The following EIF3H variants were observed in gnomAD, a reference collection of about 807,000 sequenced individuals.
EIF3H encodes the protein eIF-3-gamma.
EIF3H carries 26 observed loss-of-function variants against 44.2 expected under a neutral mutation model. That is an observed-to-expected ratio of 0.59 (90% CI 0.43 to 0.82). The LOEUF (loss-of-function observed/expected upper bound fraction) is 0.82, where lower values mean the gene tolerates loss of function less well. Among genes scored for constraint, EIF3H ranks in the 40% least tolerant of loss-of-function variants. EIF3H has a pLI of 0.00. For synonymous variants in EIF3H, 166 were observed against 151.9 expected, an observed-to-expected ratio of 1.09 and a Z score of -0.68; for missense variants, 359 against 432.8, an observed-to-expected ratio of 0.83 and a Z score of 1.51.
intron 1 of EIF3H, among the ~76,000 whole-genome samples, chr8:116,736,272 T>C (rs1296900148): frequency 6.6e-6 from 1 of 152,200 alleles, no homozygotes; most frequent in African/African-American, 2.4e-5. Flanking sequence ...CAGGAAACTC[T>C]CCAAGTGGGG....
rs145847739 is a variant in EIF3H, at chr8:116,685,060, T to C, written c.290-26080A>G. Among the ~76,000 whole-genome samples, 1,279 of 152,338 alleles carry C rather than the reference T, an allele frequency of 8.4e-3. 14 individuals carry two copies. The highest frequency in any genetic ancestry group is 8.9e-3 in the Non-Finnish European group (602 of 68,016). On this transcript the variant is annotated intron_variant, in intron 2 of 7. Coordinates refer to ENST00000521861, the MANE Select transcript of EIF3H (RefSeq NM_003756.3). Reference sequence around the variant, plus strand: ...GAATCAGAAAAATATTTATAAAATGTAGCTGTAGCACAACTTATTTGATAT... The same window carrying C: ...GAATCAGAAAAATATTTATAAAATGCAGCTGTAGCACAACTTATTTGATAT...
intron 7 of EIF3H, 39 bp from the exon 8 acceptor site, chr8:116,645,142 C>A: frequency 6.7e-7 from 1 of 1,494,814 alleles, no homozygotes. Flanking sequence ...TAATGTTCCA[C>A]AAATTGTAAA....
At chr8:116,750,569 C>T (rs951613125) in intron 1 of EIF3H, among the ~76,000 whole-genome samples, 1 of 152,028 alleles carries the variant, frequency 6.6e-6, no homozygotes, top group Non-Finnish European at 1.5e-5. Context: ...GCCACCACGC[C>T]CGACTAATTT....
chr8:116,761,916 T>C (rs919413786), intron 1 of EIF3H, among the ~76,000 whole-genome samples: 2 of 152,214 alleles, frequency 1.3e-5, no homozygotes, highest in South Asian at 2.1e-4. Flanking sequence ...GCTGGGGCTC[T>C]TCATATTTAA....
At chr8:116,698,384 T>A (rs553079386) in intron 2 of EIF3H, among the ~76,000 whole-genome samples, 18 of 152,296 alleles carry the variant, frequency 1.2e-4, no homozygotes, top group Non-Finnish European at 2.4e-4. Flanking sequence ...ATTACCCCTC[T>A]CCTCAGTAGA....
chr8:116,655,182 A>C (rs551269523), intron 5 of EIF3H, among the ~76,000 whole-genome samples: 43 of 151,908 alleles, frequency 2.8e-4, no homozygotes, highest in Non-Finnish European at 5.1e-4. Flanking sequence ...TAAGAGTAAT[A>C]GATGAGGGGG....
intron 2 of EIF3H, among the ~76,000 whole-genome samples, chr8:116,677,659 C>T (rs1006831976): frequency 2.6e-5 from 4 of 152,196 alleles, no homozygotes; most frequent in Non-Finnish European, 5.9e-5. Context: ...CCATACTGCA[C>T]GTAAGGTAGG....
intron 1 of EIF3H, among the ~76,000 whole-genome samples, chr8:116,743,841 T>C (rs1242713194): frequency 1.4e-5 from 2 of 145,562 alleles, no homozygotes; most frequent in African/African-American, 2.5e-5. Context: ...CACACACATA[T>C]ATAAATAAGT....
At chr8:116,702,223 A>G (rs1198543405) in intron 2 of EIF3H, among the ~76,000 whole-genome samples, 1 of 152,184 alleles carries the variant, frequency 6.6e-6, no homozygotes, top group African/African-American at 2.4e-5. Context: ...AACAAGGCAG[A>G]TTTTTGGTTT....
chr8:116,752,733 A>AAAGAAAGAAGGAAGAG (rs1563663056), intron 1 of EIF3H, among the ~76,000 whole-genome samples: 1 of 124,440 alleles, frequency 8.0e-6, no homozygotes, highest in African/African-American at 2.9e-5. Context: ...AGAAAGAAAG[A>AAAGAAAGAAGGAAGAG]AGAGAAAGAA....
upstream of EIF3H, among the ~76,000 whole-genome samples, chr8:116,759,663 G>A (rs774273540): frequency 6.6e-6 from 1 of 152,060 alleles, no homozygotes; most frequent in Non-Finnish European, 1.5e-5. Context: ...CACCTGGCTC[G>A]TTCTATATTC....
intron 2 of EIF3H, among the ~76,000 whole-genome samples, chr8:116,701,898 G>C (rs538194943): frequency 1.3e-5 from 2 of 152,228 alleles, no homozygotes; most frequent in African/African-American, 4.8e-5. Context: ...AATAAATTCT[G>C]CATTTTAGTT....
chr8:116,755,651 A>G lies in EIF3H; in HGVS notation c.132+15T>C, dbSNP rs1466521321. On this transcript the variant is annotated intron_variant, in intron 1 of 7. Transcript: ENST00000521861. ...CGCTCCCCACGTGGGCCAGAGGAAA[A>G]AGAACAGCACTCACAAGGCCATCTA... The G allele has an allele frequency of 6.2e-7, 1 of 1,613,744 alleles. No individual in the cohort carries two copies. The highest frequency in any genetic ancestry group is 8.5e-7 in the Non-Finnish European group (1 of 1,179,920).
chr8:116,755,844 G>A (rs377407803), upstream of EIF3H: 221 of 1,604,480 alleles, frequency 1.4e-4, no homozygotes, highest in Non-Finnish European at 1.8e-4. Flanking sequence ...TACCGGAAGC[G>A]GAAGTACAAG....
At chr8:116,745,436 T>C (rs1056026882) in intron 1 of EIF3H, among the ~76,000 whole-genome samples, 3 of 152,224 alleles carry the variant, frequency 2.0e-5, no homozygotes, top group Non-Finnish European at 4.4e-5. Context: ...GTACTGCATA[T>C]GCTGCCTTAA....
intron 2 of EIF3H, among the ~76,000 whole-genome samples, chr8:116,678,209 G>T (rs1813884823): frequency 6.6e-6 from 1 of 152,036 alleles, no homozygotes; most frequent in Non-Finnish European, 1.5e-5. Context: ...TGGCCGGGCT[G>T]GTCTCCAGCT....
At chr8:116,666,284 A>C (rs1813664284) in intron 2 of EIF3H, among the ~76,000 whole-genome samples, 1 of 152,174 alleles carries the variant, frequency 6.6e-6, no homozygotes, top group South Asian at 2.1e-4. Flanking sequence ...GGGTGGGGGC[A>C]GGCATTGTCG....
intron 1 of EIF3H, among the ~76,000 whole-genome samples, chr8:116,726,877 A>C (rs1326452052): frequency 6.6e-6 from 1 of 152,184 alleles, no homozygotes; most frequent in African/African-American, 2.4e-5. Context: ...CAATAATCAT[A>C]ATCATTAATA....
chr8:116,732,935 A>T (rs1814976604), intron 1 of EIF3H, among the ~76,000 whole-genome samples: 1 of 152,208 alleles, frequency 6.6e-6, no homozygotes, highest in Non-Finnish European at 1.5e-5. Flanking sequence ...AATTTTTGAC[A>T]CTATCTTCCT....
Sources: gnomAD v4.1 joint callset for allele counts (sites outside exome capture counted in the v4.1 genomes callset) on GRCh38, gnomAD v4.1.1 for gene constraint, MANE v1.5 for transcripts, NCBI Gene and HGNC (gene_info 2026-07-23, HGNC 2026-07-21) for gene names.